The following PRH1 variants were observed in gnomAD, a reference collection of about 807,000 sequenced individuals.
PRH1 encodes the protein proline rich protein HaeIII subfamily 1.
Under a neutral mutation model 7.9 loss-of-function variants are expected in PRH1, and 7 were observed. The observed-to-expected ratio is 0.89, with a 90% CI of 0.50 to 1.67. PRH1 has a LOEUF of 1.67. PRH1 is among the 40% of genes most tolerant of loss of function. The pLI is 0.00. For synonymous variants in PRH1, 45 were observed against 80.8 expected (o/e 0.56, Z 2.38); for missense variants, 109 against 223.6 (o/e 0.49, Z 3.27).
chr12:11,100,152 G>A (rs903292285), intron 1 of PRH1, among the ~76,000 whole-genome samples: 2 of 151,944 alleles, frequency 1.3e-5, no homozygotes, highest in Admixed American at 6.6e-5. Context: ...AAATTATAAT[G>A]CACACTTAGA....
At chr12:11,033,115 G>A (rs1942296754) in intron 1 of PRH1, among the ~76,000 whole-genome samples, 1 of 151,942 alleles carries the variant, frequency 6.6e-6, no homozygotes, top group Admixed American at 6.6e-5. Flanking sequence ...ATAAAATCCA[G>A]GCCCAGCGCA....
In PRH1 at chr12:10,939,864, AT is replaced by A. The variant is rs569768483; in HGVS notation, c.-59+33790del. ...TTTCAAATATTCTCACCATAAAAAA[AT>A]ATTTGTTACCTGTTATCTGTTATAT... On this transcript the variant is annotated intron_variant, in intron 2 of 3. Coordinates refer to the PRH1 transcript ENST00000539853. 5.1e-3 allele frequency among the ~76,000 whole-genome samples: 772 copies of A among 152,310 alleles called. 6 individuals are homozygous for A. The highest frequency in any genetic ancestry group is 7.5e-3 in the Non-Finnish European group (508 of 68,004).
At chr12:11,061,555 A>C in intron 1 of PRH1, 1 of 1,614,156 alleles carries the variant, frequency 6.2e-7, no homozygotes. Flanking sequence ...CCAAACTGAC[A>C]TGATTATGGA....
intron 1 of PRH1, chr12:11,133,525 A>C: frequency 6.2e-7 from 1 of 1,614,190 alleles, no homozygotes; most frequent in Non-Finnish European, 8.5e-7. Flanking sequence ...ACAGAAAGTA[A>C]ATGGCACATA....
intron 1 of PRH1, among the ~76,000 whole-genome samples, chr12:11,114,188 A>C (rs1945667868): frequency 6.6e-6 from 1 of 152,232 alleles, no homozygotes; most frequent in Admixed American, 6.5e-5. Context: ...TTATTCTACT[A>C]TAAAGACACA....
chr12:11,141,388 T>A (rs74062446), intron 1 of PRH1, among the ~76,000 whole-genome samples: 7,219 of 152,304 alleles, frequency 0.047, 563 homozygotes, highest in African/African-American at 0.16. Flanking sequence ...TGTTTTCCTC[T>A]GCTTAATTTA....
At chr12:11,016,060 G>A (rs1422940403) in intron 1 of PRH1, among the ~76,000 whole-genome samples, 1 of 113,998 alleles carries the variant, frequency 8.8e-6, no homozygotes, top group African/African-American at 2.9e-5. Context: ...TCCAGACTGT[G>A]CTCCACTCTG....
chr12:11,008,339 C>T (rs1940919773), intron 1 of PRH1, among the ~76,000 whole-genome samples: 1 of 151,924 alleles, frequency 6.6e-6, no homozygotes, highest in Non-Finnish European at 1.5e-5. Context: ...ATAATGCATA[C>T]ATAGAAATGT....
chr12:11,035,737 T>G (rs1053884868), intron 1 of PRH1, among the ~76,000 whole-genome samples: 8 of 152,164 alleles, frequency 5.3e-5, no homozygotes, highest in African/African-American at 1.7e-4. Flanking sequence ...TTGGATAGTA[T>G]CTTATCTGTT....
At chr12:11,017,650 A>G (rs1941362137) in intron 1 of PRH1, among the ~76,000 whole-genome samples, 1 of 151,744 alleles carries the variant, frequency 6.6e-6, no homozygotes, top group South Asian at 2.1e-4. Context: ...ATGCCTGGCT[A>G]AATTTTTTTG....
At chr12:10,981,372 T>C (rs1037323682) in intron 1 of PRH1, among the ~76,000 whole-genome samples, 1 of 42,008 alleles carries the variant, frequency 2.4e-5, no homozygotes, top group East Asian at 3.4e-4. Flanking sequence ...TGGATTTTTT[T>C]TTTTTTTTTT....
Position 10,931,212 on chromosome 12 carries a change from A to T in PRH1, c.-59+42443T>A, listed in dbSNP as rs922885087. ...AACACATTTCTCATGAGTTTTGTTC[A>T]AATATTCTGGGATAAGGTAGCAAGA... is the stretch of plus-strand genomic sequence containing the variant. On this transcript the variant is annotated intron_variant, in intron 2 of 3. Coordinates refer to the PRH1 transcript ENST00000539853. 3 of 1,511,632 alleles carry T rather than the reference A, an allele frequency of 2.0e-6. No individual in the cohort carries two copies. The African/African-American group carries it at 4.2e-5, about 21-fold the overall frequency. 93.6% of individuals were successfully genotyped at this position (1,511,632 alleles called of 1,614,324 possible).
chr12:11,052,563 T>G lies in PRH1; in HGVS notation n.124-5375A>C, dbSNP rs145618107. Reference sequence around the variant, plus strand: ...GGATACATTTTCACTTTTGGAAAAATCCCTGCAACATTTCTCTCGCTCTGT... The same window carrying G: ...GGATACATTTTCACTTTTGGAAAAAGCCCTGCAACATTTCTCTCGCTCTGT... On this transcript the variant is annotated intron_variant and non_coding_transcript_variant, in intron 1 of 4. Coordinates refer to the PRH1 transcript ENST00000541977. Among the ~76,000 whole-genome samples the G allele has an allele frequency of 2.3e-4, 35 of 152,282 alleles. No individual in the cohort carries two copies. The East Asian group carries it at 6.7e-3, about 29-fold the overall frequency.
At chr12:11,163,793 T>C (rs1225420262) in intron 1 of PRH1, among the ~76,000 whole-genome samples, 1 of 152,198 alleles carries the variant, frequency 6.6e-6, no homozygotes, top group Admixed American at 6.5e-5. Context: ...GTGTATCAGA[T>C]TTTTTACTCT....
chr12:11,086,482 T>C (rs1409793362), intron 1 of PRH1, among the ~76,000 whole-genome samples: 1 of 150,502 alleles, frequency 6.6e-6, no homozygotes, highest in Non-Finnish European at 1.5e-5. Context: ...CTTTTCAGTT[T>C]TTATAGTATA....
At chr12:11,114,501 G>C (rs1945677270) in intron 1 of PRH1, among the ~76,000 whole-genome samples, 1 of 152,116 alleles carries the variant, frequency 6.6e-6, no homozygotes, top group African/African-American at 2.4e-5. Context: ...ACACAACTGG[G>C]CCTTTTAGGG....
intron 1 of PRH1, among the ~76,000 whole-genome samples, chr12:11,065,560 C>G (rs1484318457): frequency 1.3e-5 from 2 of 152,180 alleles, no homozygotes; most frequent in African/African-American, 4.8e-5. Context: ...TTATGTTTAA[C>G]TGGTTCTCAA....
intron 1 of PRH1, among the ~76,000 whole-genome samples, chr12:10,977,879 T>C (rs1205800966): frequency 2.6e-5 from 4 of 151,774 alleles, no homozygotes; most frequent in Admixed American, 2.0e-4. Context: ...ACAAAGAGTA[T>C]TACAAAACAT....
intron 2 of PRH1, among the ~76,000 whole-genome samples, chr12:10,964,134 C>A (rs1013557817): frequency 6.6e-6 from 1 of 152,152 alleles, no homozygotes; most frequent in Admixed American, 6.5e-5. Flanking sequence ...ATTGTGAATA[C>A]ACATGGCTTC....
Sources: gnomAD v4.1 joint callset for allele counts (sites outside exome capture counted in the v4.1 genomes callset) on GRCh38, gnomAD v4.1.1 for gene constraint, MANE v1.5 for transcripts, NCBI Gene and HGNC (gene_info 2026-07-23, HGNC 2026-07-21) for gene names.